RIPOR2: variants seen among roughly 807,000 people sequenced by gnomAD.
RIPOR2 encodes RHO family interacting cell polarization regulator 2.
In RIPOR2, 39 loss-of-function variants were observed where a neutral mutation model predicts 114.5. The observed-to-expected ratio is 0.34, with a 90% CI of 0.26 to 0.44. The LOEUF (loss-of-function observed/expected upper bound fraction) is 0.44. RIPOR2 is among the 20% of genes least tolerant of loss of function. The pLI is 1.00. For synonymous variants in RIPOR2, 445 were observed against 484.4 expected (o/e 0.92, Z 1.07); for missense variants, 1,007 against 1,255.1 (o/e 0.80, Z 2.99).
intron 14 of RIPOR2, among the ~76,000 whole-genome samples, chr6:24,837,416 G>A (rs971371531): frequency 2.6e-5 from 4 of 151,828 alleles, no homozygotes; most frequent in African/African-American, 4.8e-5. Flanking sequence ...CACCACTCCC[G>A]GCCTTATTTA....
intron 1 of RIPOR2, among the ~76,000 whole-genome samples, chr6:24,961,189 C>T (rs562801762): frequency 6.6e-6 from 1 of 152,242 alleles, no homozygotes; most frequent in South Asian, 2.1e-4. Flanking sequence ...TGACCAGTGC[C>T]AGTGAGTTTT....
At chr6:24,860,388 A>C (rs1414202546) in intron 8 of RIPOR2, among the ~76,000 whole-genome samples, 1 of 152,232 alleles carries the variant, frequency 6.6e-6, no homozygotes, top group Non-Finnish European at 1.5e-5. Flanking sequence ...CTAACAACCA[A>C]TTGTAATGCA....
chr6:24,939,878 A>G (rs193088908), upstream of RIPOR2, among the ~76,000 whole-genome samples: 71 of 152,356 alleles, frequency 4.7e-4, 1 homozygote, highest in Middle Eastern at 6.8e-3. Flanking sequence ...GCAGAATTTC[A>G]TCAAGGTCAT....
chr6:24,976,684 T>C lies in RIPOR2; in HGVS notation c.76+65167A>G, dbSNP rs978233995. On this transcript the variant is annotated intron_variant, in intron 1 of 13. Transcript: ENST00000510784. The stretch of plus-strand genomic sequence containing the variant: ...AGGGTTTATGTGTCAGGGTGGTGAC[T>C]TCACACGCCATAATGGCACTGGTGG... 5.6e-6 allele frequency: 9 copies of C among 1,607,640 alleles called. No individual in the cohort carries two copies. In the African/African-American group the frequency reaches 1.2e-4, roughly 21 times the overall value.
chr6:25,006,290 A>T (rs1361742665), intron 1 of RIPOR2, among the ~76,000 whole-genome samples: 1 of 152,226 alleles, frequency 6.6e-6, no homozygotes, highest in Non-Finnish European at 1.5e-5. Context: ...AGCACCTACT[A>T]TAATACCAGC....
chr6:24,835,133 A>G (rs1761016407), intron 15 of RIPOR2, among the ~76,000 whole-genome samples: 1 of 152,192 alleles, frequency 6.6e-6, no homozygotes, highest in Non-Finnish European at 1.5e-5. Context: ...GAAAAACCTT[A>G]AGTGGTAAAC....
chr6:24,892,326 AATG>A (rs1767444933), intron 1 of RIPOR2, among the ~76,000 whole-genome samples: 1 of 152,158 alleles, frequency 6.6e-6, no homozygotes, highest in Middle Eastern at 3.4e-3. Flanking sequence ...TGGATAGTAT[AATG>A]GCGCAATCAT....
chr6:24,958,883 C>G (rs1431735094), intron 1 of RIPOR2, among the ~76,000 whole-genome samples: 2 of 151,380 alleles, frequency 1.3e-5, no homozygotes, highest in East Asian at 3.9e-4. Context: ...CCTCCTCTGT[C>G]TTAGCTTCTG....
chr6:24,993,211 G>A (rs112174533), intron 1 of RIPOR2, among the ~76,000 whole-genome samples: 17 of 152,184 alleles, frequency 1.1e-4, no homozygotes, highest in African/African-American at 3.6e-4. Flanking sequence ...TCTTTTGAAC[G>A]GTTTTCTCTT....
intron 18 of RIPOR2, among the ~76,000 whole-genome samples, chr6:24,826,791 A>G (rs996290647): frequency 3.9e-5 from 6 of 152,242 alleles, no homozygotes; most frequent in African/African-American, 1.4e-4. Flanking sequence ...TCTATAAGGC[A>G]TAATTACAAT....
chr6:25,027,975 C>A (rs1249158849), intron 1 of RIPOR2, among the ~76,000 whole-genome samples: 1 of 152,146 alleles, frequency 6.6e-6, no homozygotes, highest in Non-Finnish European at 1.5e-5. Context: ...GAGCTGGCTG[C>A]CTATGACCCC....
At chr6:24,954,453 C>T (rs1187606059) in intron 1 of RIPOR2, among the ~76,000 whole-genome samples, 1 of 8,564 alleles carries the variant, frequency 1.2e-4, no homozygotes, top group South Asian at 7.0e-3. Flanking sequence ...CAGTCTCTCT[C>T]TCCTTTTTTT....
rs1768408779 is a variant in RIPOR2, at chr6:24,901,234, T to A, written c.62-25417A>T. 2.6e-5 allele frequency among the ~76,000 whole-genome samples: 4 copies of A among 152,358 alleles called. No homozygotes were observed. In the South Asian group the frequency reaches 8.3e-4, roughly 32 times the overall value. On this transcript the variant is annotated intron_variant, in intron 1 of 21. Coordinates refer to ENST00000643898, the MANE Select transcript of RIPOR2 (RefSeq NM_001286445.3). ...ATGCATCCTTTCAATAGGGCTTTTTTCAGTACCTTTAGCCTGATTACTGTA... is the reference window on the plus strand; with the variant it reads ...ATGCATCCTTTCAATAGGGCTTTTTACAGTACCTTTAGCCTGATTACTGTA...
chr6:24,863,245 A>G (rs1253878964), intron 7 of RIPOR2, among the ~76,000 whole-genome samples: 1 of 152,088 alleles, frequency 6.6e-6, no homozygotes, highest in Non-Finnish European at 1.5e-5. Flanking sequence ...AAGCCGCTGC[A>G]CCCGGCCATG....
chr6:24,861,838 A>G (rs1449572890), intron 7 of RIPOR2, among the ~76,000 whole-genome samples: 2 of 152,244 alleles, frequency 1.3e-5, no homozygotes, highest in East Asian at 3.8e-4. Flanking sequence ...AATATTACCA[A>G]TTGGTAAATC....
In RIPOR2 at chr6:24,868,404, C is replaced by T. The variant is rs375572748; in HGVS notation, c.501+690G>A. ...TGGAAGAGAGGCTGATAGATATAGA[C>T]AAACAGGAATTGATAATGGTGTGAT... On this transcript the variant is annotated intron_variant, in intron 6 of 21. Transcript: ENST00000643898. Among the ~76,000 whole-genome samples the T allele has an allele frequency of 9.9e-5, 15 of 152,250 alleles. No homozygotes were observed. In the East Asian group the frequency reaches 2.5e-3, roughly 25 times the overall value.
chr6:24,916,821 G>A (rs1442632131), intron 1 of RIPOR2, among the ~76,000 whole-genome samples: 6 of 152,120 alleles, frequency 3.9e-5, no homozygotes, highest in Admixed American at 6.5e-5. Flanking sequence ...ATTTTAGTAT[G>A]TCCCAAGAAT....
At chr6:24,965,328 G>A (rs1581885278) in intron 1 of RIPOR2, among the ~76,000 whole-genome samples, 1 of 152,122 alleles carries the variant, frequency 6.6e-6, no homozygotes, top group East Asian at 1.9e-4. Flanking sequence ...TATAGAAACA[G>A]GGTTTCACCA....
intron 1 of RIPOR2, among the ~76,000 whole-genome samples, chr6:24,941,308 T>C (rs566992215): frequency 6.6e-6 from 1 of 152,148 alleles, no homozygotes; most frequent in African/African-American, 2.4e-5. Flanking sequence ...TTGGGTATGG[T>C]TGGCAAGGTC....
Sources: gnomAD v4.1 joint callset for allele counts (sites outside exome capture counted in the v4.1 genomes callset) on GRCh38, gnomAD v4.1.1 for gene constraint, MANE v1.5 for transcripts, NCBI Gene and HGNC (gene_info 2026-07-23, HGNC 2026-07-21) for gene names.